IKZF2: variants seen among roughly 807,000 people sequenced by gnomAD.
IKZF2 encodes IKAROS family zinc finger 2.
IKZF2 carries 15 observed loss-of-function variants against 49.2 expected under a neutral mutation model. That is an observed-to-expected ratio of 0.30 (90% CI 0.20 to 0.47). The LOEUF is 0.47. Among genes scored for constraint, IKZF2 ranks in the 20% least tolerant of loss-of-function variants. IKZF2 has a pLI of 1.00. For missense variants in IKZF2, 567 were observed against 664.6 expected, an observed-to-expected ratio of 0.85 and a Z score of 1.61; for synonymous variants, 227 against 221.4, an observed-to-expected ratio of 1.03 and a Z score of -0.23.
At chr2:213,034,660 C>A (rs1165378697) in intron 6 of IKZF2, among the ~76,000 whole-genome samples, 1 of 152,028 alleles carries the variant, frequency 6.6e-6, no homozygotes, top group Non-Finnish European at 1.5e-5. Context: ...TCGTGGTATC[C>A]TAAAACAGTT....
chr2:213,026,966 T>C (rs1366910921), intron 6 of IKZF2, among the ~76,000 whole-genome samples: 1 of 152,054 alleles, frequency 6.6e-6, no homozygotes, highest in Admixed American at 6.6e-5. Flanking sequence ...CATAGTTAGA[T>C]ATGCCCATAA....
Position 212,999,888 on chromosome 2 carries a change from G to C in IKZF2, c.*7472C>G, listed in dbSNP as rs1694739727. ...TTTATAATATAATCCTTTTCACAAA[G>C]TATTACAAAGTTTCTGCAGCTTCTT... On this transcript the variant is annotated 3_prime_UTR_variant, in exon 9 of 9. Coordinates refer to ENST00000434687, the MANE Select transcript of IKZF2 (RefSeq NM_001387220.1). 2 of 152,122 alleles carry C rather than the reference G, an allele frequency of 1.3e-5. No individual in the cohort carries two copies. The highest frequency in any genetic ancestry group is 2.9e-5 in the Non-Finnish European group (2 of 67,812). 9.4% of individuals were successfully genotyped at this position (152,122 alleles called of 1,614,324 possible).
chr2:213,149,878 ACTGTT>A (rs934644707), intron 2 of IKZF2, among the ~76,000 whole-genome samples: 10 of 152,018 alleles, frequency 6.6e-5, no homozygotes, highest in Admixed American at 6.6e-4. Flanking sequence ...AACCTGCTGT[ACTGTT>A]ATCACATTCT....
intron 4 of IKZF2, among the ~76,000 whole-genome samples, chr2:213,085,016 G>A (rs1324743549): frequency 1.3e-5 from 2 of 152,278 alleles, no homozygotes; most frequent in East Asian, 1.9e-4. Context: ...CTATTACGCT[G>A]TACGCTATGA....
chr2:213,033,350 C>A (rs893048385), intron 6 of IKZF2, among the ~76,000 whole-genome samples: 4 of 152,182 alleles, frequency 2.6e-5, no homozygotes, highest in African/African-American at 9.6e-5. Flanking sequence ...AGATGAATCA[C>A]AAATGTTCTC....
intron 4 of IKZF2, among the ~76,000 whole-genome samples, chr2:213,073,656 G>A (rs1702945413): frequency 6.6e-6 from 1 of 152,182 alleles, no homozygotes; most frequent in Non-Finnish European, 1.5e-5. Flanking sequence ...TCAGGGAAGT[G>A]AAAGCCATGT....
intron 3 of IKZF2, 92 bp downstream of exon 3, chr2:213,148,504 C>A (rs1450240360): frequency 8.1e-6 from 7 of 859,190 alleles, no homozygotes; most frequent in Admixed American, 2.2e-5. Flanking sequence ...GTACAGAATT[C>A]TCAATAAAGT....
chr2:213,092,234 G>T (rs1705429462), intron 4 of IKZF2, among the ~76,000 whole-genome samples: 1 of 151,948 alleles, frequency 6.6e-6, no homozygotes, highest in African/African-American at 2.4e-5. Context: ...TCCCTATGTT[G>T]CCCAGACTAG....
intron 4 of IKZF2, among the ~76,000 whole-genome samples, chr2:213,119,502 C>A (rs2059981950): frequency 6.6e-6 from 1 of 151,904 alleles, no homozygotes; most frequent in Non-Finnish European, 1.5e-5. Flanking sequence ...GTGTGGGAGA[C>A]AAGAAACATG....
chr2:213,036,743 G>A (rs1448766308), intron 6 of IKZF2, among the ~76,000 whole-genome samples: 1 of 152,010 alleles, frequency 6.6e-6, no homozygotes, highest in Non-Finnish European at 1.5e-5. Context: ...TATTTTACAT[G>A]CTTATGATGA....
intron 7 of IKZF2, among the ~76,000 whole-genome samples, chr2:213,016,579 C>A (rs1455518587): frequency 6.6e-6 from 1 of 152,064 alleles, no homozygotes; most frequent in Non-Finnish European, 1.5e-5. Flanking sequence ...CTAGATATCT[C>A]AATAATGCAT....
chr2:213,082,371 G>A (rs945137294), intron 4 of IKZF2, among the ~76,000 whole-genome samples: 1 of 152,174 alleles, frequency 6.6e-6, no homozygotes, highest in Non-Finnish European at 1.5e-5. Flanking sequence ...TACAGCAAAT[G>A]TCAATAGGTC....
intron 4 of IKZF2, among the ~76,000 whole-genome samples, chr2:213,075,668 G>A (rs1703172129): frequency 1.3e-5 from 2 of 152,008 alleles, no homozygotes; most frequent in Non-Finnish European, 2.9e-5. Flanking sequence ...GGAAACATTT[G>A]ATTAATTTTT....
intron 5 of IKZF2, among the ~76,000 whole-genome samples, chr2:213,054,690 A>G (rs1700978446): frequency 6.6e-6 from 1 of 152,172 alleles, no homozygotes; most frequent in Admixed American, 6.5e-5. Flanking sequence ...AAGTATAATA[A>G]TTTGCACAAT....
intron 1 of IKZF2, among the ~76,000 whole-genome samples, chr2:213,150,680 A>T (rs2061253157): frequency 8.0e-6 from 1 of 124,542 alleles, no homozygotes. Flanking sequence ...ACCAAAAGCT[A>T]AGACAAGAAA....
At chr2:213,048,740 A>T (rs1389751329) in intron 6 of IKZF2, among the ~76,000 whole-genome samples, 1 of 152,072 alleles carries the variant, frequency 6.6e-6, no homozygotes, top group Non-Finnish European at 1.5e-5. Flanking sequence ...CACGATTCAC[A>T]TTCATGTTTA....
chr2:213,064,548 T>C (rs558347183), intron 4 of IKZF2, among the ~76,000 whole-genome samples: 1 of 152,130 alleles, frequency 6.6e-6, no homozygotes, highest in African/African-American at 2.4e-5. Context: ...AGTAGCACCA[T>C]TGTGGCCCAC....
intron 6 of IKZF2, among the ~76,000 whole-genome samples, chr2:213,041,341 G>GT (rs1289161484): frequency 1.3e-5 from 2 of 150,386 alleles, no homozygotes; most frequent in Admixed American, 6.6e-5. Context: ...TCTTTTTTTG[G>GT]GGGGGGTGGG....
chr2:213,125,269 C>G (rs1196341416), intron 4 of IKZF2, among the ~76,000 whole-genome samples: 1 of 152,142 alleles, frequency 6.6e-6, no homozygotes, highest in Non-Finnish European at 1.5e-5. Flanking sequence ...AATCATGAAT[C>G]ACGAATAAAA....
Sources: allele counts gnomAD v4.1 joint callset (sites outside exome capture counted in the v4.1 genomes callset), GRCh38; gene constraint gnomAD v4.1.1; transcripts MANE v1.5; gene names NCBI Gene and HGNC (gene_info 2026-07-23, HGNC 2026-07-21).